The following ACSM2B variants were observed in gnomAD, a reference collection of about 807,000 sequenced individuals.
ACSM2B encodes acyl-coenzyme A synthetase ACSM2B, mitochondrial.
A neutral mutation model predicts 78.6 loss-of-function variants in ACSM2B; 58 were observed. The observed-to-expected ratio is 0.74, with a 90% CI of 0.60 to 0.92. The LOEUF (loss-of-function observed/expected upper bound fraction) is 0.92. ACSM2B is among the 40% of genes least tolerant of loss of function. ACSM2B has a pLI of 0.00. For missense variants in ACSM2B, 688 were observed against 711.2 expected (o/e 0.97, Z 0.37); for synonymous variants, 257 against 256.8 (o/e 1.00, Z -0.01).
Position 20,566,636 on chromosome 16 carries a change from ATATATATAC to A in ACSM2B, c.-8-1792_-8-1784del, listed in dbSNP as rs375492796. On this transcript the variant is annotated intron_variant, in intron 1 of 13. Coordinates refer to ENST00000329697, the MANE Select transcript of ACSM2B (RefSeq NM_001105069.2). ...ATATAGTATATATACTATATATAGT[ATATATATAC>A]TATACTATATATATGTATATATAGT... 6.4e-3 allele frequency among the ~76,000 whole-genome samples: 227 copies of A among 35,380 alleles called. 4 individuals carry two copies. Among genetic ancestry groups the A allele is most frequent in the African/African-American group, 0.036 (217 of 6,016 alleles). The allele number at this position is 35,380 out of a possible 152,430, so 23.2% of individuals were successfully genotyped here. A position where few individuals can be genotyped will look rare whatever the true frequency, so the allele number is the denominator to read the frequency against.
In ACSM2B at chr16:20,537,100, C is replaced by T; in HGVS notation, c.*158G>A. 1 of 838,526 alleles carries T rather than the reference C, an allele frequency of 1.2e-6. No homozygotes were observed. The highest frequency in any genetic ancestry group is 1.9e-6 in the Non-Finnish European group (1 of 528,522). 51.9% of individuals were successfully genotyped at this position (838,526 alleles called of 1,614,324 possible). On this transcript the variant is annotated 3_prime_UTR_variant, in exon 14 of 14. Transcript: ENST00000329697. Reference sequence around the variant, plus strand: ...TTCCTTCCCTTTCTTATTTCAATATCTAACATAGTAATGTTTTGTGCTAAT... The same window carrying T: ...TTCCTTCCCTTTCTTATTTCAATATTTAACATAGTAATGTTTTGTGCTAAT...
At chr16:20,568,260 T>C (rs1398073967) in intron 1 of ACSM2B, among the ~76,000 whole-genome samples, 2 of 144,978 alleles carry the variant, frequency 1.4e-5, no homozygotes. Flanking sequence ...ATAGCCACAC[T>C]ATAGAACATA....
chr16:20,566,717 A>ACT (rs1567218502), intron 1 of ACSM2B, among the ~76,000 whole-genome samples: 433 of 6,820 alleles, frequency 0.063, 54 homozygotes, highest in East Asian at 0.18. Flanking sequence ...TAGTATATAT[A>ACT]GTATATACTA....
chr16:20,566,773 A>AC (rs1410791748), intron 1 of ACSM2B, among the ~76,000 whole-genome samples: 2 of 51,188 alleles, frequency 3.9e-5, no homozygotes, highest in Non-Finnish European at 7.2e-5. Context: ...ATATAGATAT[A>AC]TAGATACAAT....
chr16:20,548,516 A>G, intron 6 of ACSM2B, 43 bp from the exon 7 acceptor site: 1 of 1,613,060 alleles, frequency 6.2e-7, no homozygotes, highest in Non-Finnish European at 8.5e-7. Flanking sequence ...ACCAGGTCAA[A>G]TGCCAACTTA....
At chr16:20,538,440 A>C (rs965371823) in intron 13 of ACSM2B, among the ~76,000 whole-genome samples, 2 of 152,208 alleles carry the variant, frequency 1.3e-5, no homozygotes, top group African/African-American at 4.8e-5. Flanking sequence ...ATAGCCTACA[A>C]TATTTACTAT....
At chr16:20,566,769 A>T (rs1470084596) in intron 1 of ACSM2B, among the ~76,000 whole-genome samples, 2 of 36,326 alleles carry the variant, frequency 5.5e-5, no homozygotes, top group Non-Finnish European at 1.0e-4. Context: ...GTATATATAG[A>T]TATATAGATA....
intron 8 of ACSM2B, chr16:20,547,365 C>T (rs1268822098): frequency 1.3e-5 from 13 of 985,216 alleles, no homozygotes; most frequent in Admixed American, 6.1e-5. Context: ...GCCATCAACA[C>T]TCTGCAAAAG....
At chr16:20,571,471 A>G (rs1432218063) in intron 1 of ACSM2B, among the ~76,000 whole-genome samples, 1 of 151,476 alleles carries the variant, frequency 6.6e-6, no homozygotes, top group Admixed American at 6.6e-5. Context: ...ATTTATTGAG[A>G]CTTGTTTTGT....
chr16:20,573,006 C>A (rs2016135392), intron 1 of ACSM2B, among the ~76,000 whole-genome samples: 1 of 148,356 alleles, frequency 6.7e-6, no homozygotes, highest in South Asian at 2.1e-4. Flanking sequence ...TGGACTTCAC[C>A]TTTTCTGGTG....
chr16:20,567,523 T>A (rs2015952177), intron 1 of ACSM2B, among the ~76,000 whole-genome samples: 1 of 114,908 alleles, frequency 8.7e-6, no homozygotes, highest in Non-Finnish European at 1.7e-5. Context: ...AATATATAAA[T>A]TATATAAATA....
chr16:20,537,288 C>G lies in ACSM2B; in HGVS notation c.1704G>C (p.Trp568Cys). The G allele has an allele frequency of 1.9e-6, 3 of 1,614,042 alleles. No individual in the cohort carries two copies. Among genetic ancestry groups the G allele is most frequent in the Non-Finnish European group, 2.5e-6 (3 of 1,179,916 alleles). The part of the protein sequence containing the change: ...IQRTKLRDKE[W>C]KMSGKARAQ ...GCGCACGGGCTTTTCCGGACATCTTCCACTCCTTGTCTCGAAGTTTGGTTC... is the reference window on the plus strand; with the variant it reads ...GCGCACGGGCTTTTCCGGACATCTTGCACTCCTTGTCTCGAAGTTTGGTTC... Residue 568 changes from tryptophan to cysteine, a missense_variant, in exon 14 of 14, where the codon TGG (tryptophan) becomes TGC (cysteine). Physicochemically the swap from Trp to Cys is radical, Grantham distance 215 (BLOSUM62 -2). Coordinates refer to ENST00000329697, the MANE Select transcript of ACSM2B (RefSeq NM_001105069.2).
At chr16:20,545,122 C>T in intron 10 of ACSM2B, 35 bp downstream of exon 10, 1 of 1,594,386 alleles carries the variant, frequency 6.3e-7, no homozygotes, top group Non-Finnish European at 8.6e-7. Context: ...CCCATCCTCA[C>T]TGGGGAACAG....
chr16:20,558,554 G>T (rs2015545360), intron 3 of ACSM2B, among the ~76,000 whole-genome samples: 1 of 151,894 alleles, frequency 6.6e-6, no homozygotes, highest in Admixed American at 6.6e-5. Flanking sequence ...CACATATGCT[G>T]TTCCCTTTGC....
intron 2 of ACSM2B, among the ~76,000 whole-genome samples, chr16:20,561,388 G>C (rs1465025309): frequency 1.3e-5 from 2 of 150,964 alleles, no homozygotes; most frequent in African/African-American, 4.8e-5. Context: ...AAGGTGAGGG[G>C]GGAGCAGGTG....
At chr16:20,552,506 G>C (rs28620265) in intron 5 of ACSM2B, among the ~76,000 whole-genome samples, 1 of 151,914 alleles carries the variant, frequency 6.6e-6, no homozygotes, top group African/African-American at 2.4e-5. Flanking sequence ...GGAGATGAAT[G>C]TTCGGAAGGT....
chr16:20,563,387 T>A (rs1242826155), intron 2 of ACSM2B, among the ~76,000 whole-genome samples: 4 of 152,150 alleles, frequency 2.6e-5, no homozygotes, highest in African/African-American at 9.7e-5. Context: ...ATTATTAACG[T>A]TTTTGCTGTT....
At chr16:20,550,138 G>A (rs1048513719) in intron 6 of ACSM2B, among the ~76,000 whole-genome samples, 3 of 152,160 alleles carry the variant, frequency 2.0e-5, no homozygotes, top group African/African-American at 7.2e-5. Context: ...TGAGGAGGAA[G>A]TCCATTCAGA....
chr16:20,556,990 G>A (rs987789431), intron 3 of ACSM2B, among the ~76,000 whole-genome samples: 2 of 151,946 alleles, frequency 1.3e-5, no homozygotes, highest in African/African-American at 2.4e-5. Context: ...CCACTCTCAT[G>A]CTCAGCCCAT....
Sources: allele counts gnomAD v4.1 joint callset (sites outside exome capture counted in the v4.1 genomes callset), GRCh38; gene constraint gnomAD v4.1.1; transcripts MANE v1.5; gene names NCBI Gene and HGNC (gene_info 2026-07-23, HGNC 2026-07-21).